The following AUH variants were observed in gnomAD, a reference collection of about 807,000 sequenced individuals.
AUH encodes methylglutaconyl-CoA hydratase, mitochondrial.
AUH carries 29 observed loss-of-function variants against 42.3 expected under a neutral mutation model. That is an observed-to-expected ratio of 0.69 (90% confidence interval 0.51 to 0.93). The LOEUF is 0.93. Ranked by LOEUF, AUH falls within the 40% of genes least tolerant of loss-of-function variation. The pLI is 0.00. For synonymous variants in AUH, 174 were observed against 166.4 expected, an observed-to-expected ratio of 1.05 and a Z score of -0.35; for missense variants, 452 against 438.1, an observed-to-expected ratio of 1.03 and a Z score of -0.28.
chr9:91,260,104 A>G (rs1207941456), intron 6 of AUH, among the ~76,000 whole-genome samples: 1 of 152,048 alleles, frequency 6.6e-6, no homozygotes, highest in African/African-American at 2.4e-5. Context: ...ATCTTAGGTA[A>G]TATTTCTTGT....
chr9:91,292,224 TC>T (rs1826959362), intron 6 of AUH, among the ~76,000 whole-genome samples: 1 of 151,442 alleles, frequency 6.6e-6, no homozygotes, highest in African/African-American at 2.4e-5. Flanking sequence ...GCAACTTTTG[TC>T]CCACTGCAGA....
chr9:91,305,492 C>T (rs572242117), intron 4 of AUH, among the ~76,000 whole-genome samples: 8 of 152,250 alleles, frequency 5.3e-5, no homozygotes, highest in African/African-American at 1.4e-4. Context: ...TTAAGTGAAG[C>T]TACAGAATGC....
intron 3 of AUH, among the ~76,000 whole-genome samples, chr9:91,329,303 AG>A (rs1317728378): frequency 2.7e-5 from 4 of 146,550 alleles, no homozygotes; most frequent in Non-Finnish European, 6.0e-5. Flanking sequence ...CTTGGAGAAA[AG>A]AAAAAAAAAA....
intron 7 of AUH, chr9:91,218,810 T>A (rs1264842316): frequency 1.0e-6 from 1 of 985,124 alleles, no homozygotes; most frequent in Non-Finnish European, 1.2e-6. Flanking sequence ...GGAGGACTAA[T>A]CATTTGGCAA....
chr9:91,344,195 A>G (rs951460872), intron 3 of AUH, among the ~76,000 whole-genome samples: 3 of 152,226 alleles, frequency 2.0e-5, no homozygotes, highest in Admixed American at 6.5e-5. Flanking sequence ...CTTCATTTGC[A>G]TAATAAGAAC....
chr9:91,311,554 A>T (rs1828701543), intron 4 of AUH, among the ~76,000 whole-genome samples: 1 of 152,246 alleles, frequency 6.6e-6, no homozygotes, highest in South Asian at 2.1e-4. Flanking sequence ...ACTTGAGAGA[A>T]CTAGGTCTAT....
At chr9:91,271,642 T>C (rs2131510932) in intron 6 of AUH, among the ~76,000 whole-genome samples, 1 of 152,380 alleles carries the variant, frequency 6.6e-6, no homozygotes. Flanking sequence ...TAAGATATTA[T>C]ATTAGTCCTT....
chr9:91,295,027 G>C (rs950498149), intron 6 of AUH, among the ~76,000 whole-genome samples: 1 of 152,162 alleles, frequency 6.6e-6, no homozygotes, highest in Non-Finnish European at 1.5e-5. Context: ...CATGGAGGCG[G>C]GTTTCCCCCA....
intron 6 of AUH, among the ~76,000 whole-genome samples, chr9:91,279,199 A>C (rs1405700259): frequency 6.6e-6 from 1 of 152,236 alleles, no homozygotes; most frequent in Non-Finnish European, 1.5e-5. Context: ...ATAAAGTGTT[A>C]GTCCTTACAA....
chr9:91,271,551 T>C (rs903676885), intron 6 of AUH, among the ~76,000 whole-genome samples: 4 of 152,194 alleles, frequency 2.6e-5, no homozygotes, highest in African/African-American at 9.6e-5. Flanking sequence ...TAGTAAAAAA[T>C]GTAAGTGAGG....
chr9:91,310,794 A>G (rs1478856328), intron 4 of AUH, among the ~76,000 whole-genome samples: 1 of 152,234 alleles, frequency 6.6e-6, no homozygotes, highest in Admixed American at 6.5e-5. Flanking sequence ...CCAAAACATT[A>G]AAGAACACTC....
At chr9:91,247,912 C>A (rs937632662) in intron 6 of AUH, among the ~76,000 whole-genome samples, 1 of 152,148 alleles carries the variant, frequency 6.6e-6, no homozygotes, top group Non-Finnish European at 1.5e-5. Context: ...ATTTTGGATA[C>A]AAGTCCTTTA....
At chr9:91,261,547 T>G (rs1344371798) in intron 6 of AUH, among the ~76,000 whole-genome samples, 1 of 152,238 alleles carries the variant, frequency 6.6e-6, no homozygotes, top group African/African-American at 2.4e-5. Context: ...TGAAAGCACA[T>G]CTTGGCAATC....
chr9:91,338,841 T>A (rs921759818), intron 3 of AUH, among the ~76,000 whole-genome samples: 3 of 152,158 alleles, frequency 2.0e-5, no homozygotes, highest in African/African-American at 7.2e-5. Context: ...ATCTAGAAAC[T>A]AATGAGACTC....
At chr9:91,343,484 C>T (rs776626192) in intron 3 of AUH, among the ~76,000 whole-genome samples, 7 of 152,110 alleles carry the variant, frequency 4.6e-5, no homozygotes, top group East Asian at 1.9e-4. Flanking sequence ...AATCAGACAT[C>T]GGCCAGGCAC....
chr9:91,345,371 C>T (rs1468145977), intron 3 of AUH, among the ~76,000 whole-genome samples: 1 of 151,840 alleles, frequency 6.6e-6, no homozygotes, highest in Non-Finnish European at 1.5e-5. Flanking sequence ...AGACAATATA[C>T]AAAAATCAAT....
chr9:91,346,658 G>T (rs1323101849), intron 3 of AUH, among the ~76,000 whole-genome samples: 1 of 151,982 alleles, frequency 6.6e-6, no homozygotes, highest in Non-Finnish European at 1.5e-5. Flanking sequence ...CATCAAGCGG[G>T]TATCCAACAA....
intron 4 of AUH, among the ~76,000 whole-genome samples, chr9:91,309,405 C>T (rs1280471728): frequency 6.6e-6 from 1 of 152,128 alleles, no homozygotes; most frequent in Non-Finnish European, 1.5e-5. Flanking sequence ...CTTCTTGAAA[C>T]ATTTTCTTCA....
intron 3 of AUH, among the ~76,000 whole-genome samples, chr9:91,347,022 C>G (rs1051934700): frequency 6.6e-6 from 1 of 151,968 alleles, no homozygotes; most frequent in Non-Finnish European, 1.5e-5. Flanking sequence ...AACCTAGAAG[C>G]TCCCTGAGCC....
Sources: allele counts gnomAD v4.1 joint callset (sites outside exome capture counted in the v4.1 genomes callset), GRCh38; gene constraint gnomAD v4.1.1; transcripts MANE v1.5; gene names NCBI Gene and HGNC (gene_info 2026-07-23, HGNC 2026-07-21).